Variants in MROH2B observed in about 807,000 individuals in gnomAD.
MROH2B encodes maestro heat like repeat family member 2B.
MROH2B carries 177 observed loss-of-function variants against 208.6 expected under a neutral mutation model. The ratio of observed to expected loss-of-function variants is 0.85; its 90% CI spans 0.75 to 0.96. MROH2B has a LOEUF of 0.96. MROH2B is among the 40% of genes least tolerant of loss of function. MROH2B has a pLI of 0.00. For synonymous variants in MROH2B, 728 were observed against 659.0 expected (o/e 1.10, Z -1.60); for missense variants, 2,002 against 1,878.7 (o/e 1.07, Z -1.21).
chr5:41,041,164 C>T (rs1301349975), intron 19 of MROH2B, among the ~76,000 whole-genome samples: 1 of 152,116 alleles, frequency 6.6e-6, no homozygotes, highest in African/African-American at 2.4e-5. Flanking sequence ...AAAGCAGTTT[C>T]AAAAGTTCAG....
In MROH2B at chr5:41,055,889, A is replaced by G. The variant is rs200823938; in HGVS notation, c.920-34T>C. 3.1e-4 allele frequency: 445 copies of G among 1,456,508 alleles called. 1 individual carries two copies. The highest frequency in any genetic ancestry group is 6.7e-4 in the Admixed American group (40 of 59,702). 90.2% of individuals were successfully genotyped at this position (1,456,508 alleles called of 1,614,324 possible). On this transcript the variant is annotated intron_variant, in intron 9 of 41. Transcript: ENST00000399564. ...TCAAGAAACACTAGAGCTGTAACTC[A>G]TTTTCATCCTAGGTAAAATACTTGT...
intron 37 of MROH2B, 83 bp downstream of exon 37, chr5:41,004,263 A>G (rs1741495842): frequency 6.7e-7 from 1 of 1,487,008 alleles, no homozygotes; most frequent in Non-Finnish European, 9.0e-7. Context: ...TGGGACACTG[A>G]CAATGTCTTC....
At chr5:41,016,972 A>G (rs2111863578) in intron 28 of MROH2B, among the ~76,000 whole-genome samples, 1 of 152,222 alleles carries the variant, frequency 6.6e-6, no homozygotes, top group South Asian at 2.1e-4. Context: ...TTTGGCTTTA[A>G]CACACTTATA....
intron 5 of MROH2B, among the ~76,000 whole-genome samples, chr5:41,063,097 G>A (rs1300236519): frequency 6.6e-6 from 1 of 152,038 alleles, no homozygotes; most frequent in Non-Finnish European, 1.5e-5. Flanking sequence ...AAGATCAAAG[G>A]GCACTTAGAT....
At chr5:41,010,114 G>C in intron 30 of MROH2B, 35 bp from the exon 31 acceptor site, 1 of 1,604,880 alleles carries the variant, frequency 6.2e-7, no homozygotes, top group Non-Finnish European at 8.5e-7. Context: ...ACATTAAGTT[G>C]CCATTTTCCC....
At chr5:41,064,384 G>T in intron 5 of MROH2B, 88 bp downstream of exon 5, 1 of 1,104,286 alleles carries the variant, frequency 9.1e-7, no homozygotes. Flanking sequence ...CAAGATTGGA[G>T]TTAAAGGGAA....
chr5:41,024,646 G>T (rs1288169027), intron 24 of MROH2B, among the ~76,000 whole-genome samples: 2 of 152,114 alleles, frequency 1.3e-5, no homozygotes, highest in African/African-American at 4.8e-5. Context: ...AGTTAACAAG[G>T]ATATCCAGGA....
At position 41,044,027 on chromosome 5, in the gene MROH2B, C is replaced by T. The variant is rs570466534; in HGVS notation, c.1836+1719G>A. On this transcript the variant is annotated intron_variant, in intron 18 of 41. Coordinates refer to ENST00000399564, the MANE Select transcript of MROH2B (RefSeq NM_173489.5). ...GGCTGAGGTGGGTGGATCATGAGGTCAGGAGATCGAGACCATCCTGGCTAA... is the reference window on the plus strand; with the variant it reads ...GGCTGAGGTGGGTGGATCATGAGGTTAGGAGATCGAGACCATCCTGGCTAA... 3.3e-5 allele frequency among the ~76,000 whole-genome samples: 5 copies of T among 149,554 alleles called. No homozygotes were observed. The South Asian group carries it at 8.4e-4, about 25-fold the overall frequency.
intron 11 of MROH2B, 137 bp downstream of exon 11, chr5:41,054,630 G>C (rs1743388198): frequency 1.8e-6 from 1 of 549,440 alleles, no homozygotes; most frequent in Non-Finnish European, 3.0e-6. Flanking sequence ...CTTTGGAAAA[G>C]ATGGAGTTCT....
At position 41,058,146 on chromosome 5, in the gene MROH2B, C is replaced by A. The variant is rs541511865; in HGVS notation, c.673G>T (p.Asp225Tyr). The change falls in exon 7 of 42, where the codon GAC becomes TAC. Residue 225 changes from aspartate to tyrosine, a missense_variant. By Grantham distance (160) the Asp-to-Tyr change is radical (BLOSUM62 -3). Transcript: ENST00000399564. ...TGGCCCAGGGCGTATCCACGGAAGT[C>A]TTCCCGATGCAGCAGCAAGCTCACC... is the stretch of plus-strand genomic sequence containing the variant. ...PTVSLLLHREDFRGYALGQVP... is the reference protein window; with the variant it reads ...PTVSLLLHREYFRGYALGQVP... The A allele has an allele frequency of 3.7e-6, 6 of 1,607,172 alleles. No homozygotes were observed. In the African/African-American group the frequency reaches 6.7e-5, roughly 18 times the overall value.
In MROH2B at chr5:41,009,320, G is replaced by A; in HGVS notation, c.3380C>T (p.Thr1127Ile). The change falls in exon 32 of 42, where the codon ACT becomes ATT. Residue 1127 changes from threonine (T) to isoleucine (I), a missense_variant. Physicochemically the swap from Thr to Ile is moderately conservative, Grantham distance 89 (BLOSUM62 -1). Transcript: ENST00000399564. ...LLQALIDKLE[T>I]ELEDDIARVE... ...CCTGGCGATGTCATCTTCTAACTCA[G>A]TCTCCAGTTTGTCTATTAAGGCTTG... 6.2e-7 allele frequency: 1 copy of A among 1,613,872 alleles called. No individual in the cohort carries two copies. The highest frequency in any genetic ancestry group is 1.3e-5 in the African/African-American group (1 of 75,022).
chr5:41,012,852 T>G (rs764720455), intron 29 of MROH2B, 117 bp from the exon 30 acceptor site: 1 of 1,296,546 alleles, frequency 7.7e-7, no homozygotes, highest in Non-Finnish European at 1.1e-6. Context: ...TTTTCAACAG[T>G]TTTGATTGAG....
intron 3 of MROH2B, 117 bp downstream of exon 3, chr5:41,066,991 A>G (rs1743832405): frequency 1.5e-6 from 1 of 678,864 alleles, no homozygotes. Flanking sequence ...AGTTACCACA[A>G]AGAACAAATA....
At chr5:41,049,502 C>T in intron 13 of MROH2B, 66 bp from the exon 14 acceptor site, 1 of 1,517,984 alleles carries the variant, frequency 6.6e-7, no homozygotes, top group East Asian at 2.3e-5. Flanking sequence ...CTGGTCCTCA[C>T]TGCATGTTTT....
intron 24 of MROH2B, among the ~76,000 whole-genome samples, chr5:41,020,794 C>A (rs1325075140): frequency 1.3e-5 from 2 of 152,100 alleles, no homozygotes; most frequent in Admixed American, 6.5e-5. Flanking sequence ...ATATTTGTTA[C>A]CTCAATATAA....
At chr5:41,062,846 G>T (rs1743683329) in intron 5 of MROH2B, among the ~76,000 whole-genome samples, 2 of 151,974 alleles carry the variant, frequency 1.3e-5, no homozygotes, top group Admixed American at 1.3e-4. Flanking sequence ...GTGTGTGGCT[G>T]TGTGTGTGTA....
chr5:41,025,760 T>G (rs1228947434), intron 24 of MROH2B, among the ~76,000 whole-genome samples: 1 of 152,182 alleles, frequency 6.6e-6, no homozygotes, highest in East Asian at 1.9e-4. Flanking sequence ...CCAATATCCC[T>G]GATGAACATC....
Position 41,018,007 on chromosome 5 carries a change from A to T in MROH2B, c.2764-37T>A, listed in dbSNP as rs1408844308. On this transcript the variant is annotated intron_variant, in intron 27 of 41. Coordinates refer to ENST00000399564, the MANE Select transcript of MROH2B (RefSeq NM_173489.5). Reference sequence around the variant, plus strand: ...AGGAGGCATCCTATTGTGATGGGGTAGCTTGGTCATATCCCAGGATGTTCC... The same window carrying T: ...AGGAGGCATCCTATTGTGATGGGGTTGCTTGGTCATATCCCAGGATGTTCC... The T allele has an allele frequency of 1.3e-5, 20 of 1,558,010 alleles. No individual in the cohort carries two copies. The South Asian group carries it at 2.3e-4, about 18-fold the overall frequency.
Position 41,004,796 on chromosome 5 carries a change from G to A in MROH2B, c.3989C>T (p.Thr1330Ile). The A allele has an allele frequency of 6.2e-7, 1 of 1,613,986 alleles. No homozygotes were observed. Among genetic ancestry groups the A allele is most frequent in the Non-Finnish European group, 8.5e-7 (1 of 1,179,884 alleles). The change falls in exon 36 of 42, where the codon ACA becomes ATA. Residue 1330 changes from threonine (T) to isoleucine (I), a missense_variant. By Grantham distance (89) the Thr-to-Ile change is moderately conservative. Transcript: ENST00000399564. Reference sequence around the variant, plus strand: ...TACCTTGTGAGGAGCCCCGGATGCTGTGTTGCCGAGCCCTCGGATGGCCAT... The same window carrying A: ...TACCTTGTGAGGAGCCCCGGATGCTATGTTGCCGAGCCCTCGGATGGCCAT... The part of the protein sequence containing the change: ...RQMAIRGLGN[T>I]ASGAPHKVKK...
Sources: gnomAD v4.1 joint callset for allele counts (sites outside exome capture counted in the v4.1 genomes callset) on GRCh38, gnomAD v4.1.1 for gene constraint, MANE v1.5 for transcripts, NCBI Gene and HGNC (gene_info 2026-07-23, HGNC 2026-07-21) for gene names.